The following MSH3 variants were observed in gnomAD, a reference collection of about 807,000 sequenced individuals.
The protein encoded by MSH3 is DNA mismatch repair protein Msh3.
MSH3 carries 106 observed loss-of-function variants against 123.3 expected under a neutral mutation model. The ratio of observed to expected loss-of-function variants is 0.86; its 90% confidence interval spans 0.73 to 1.01. The LOEUF (loss-of-function observed/expected upper bound fraction) is 1.01, where lower values mean the gene tolerates loss of function less well. Ranked by LOEUF, MSH3 falls within the 50% of genes least tolerant of loss-of-function variation. The pLI is 0.00. For missense variants in MSH3, 1,459 were observed against 1,347.6 expected, an observed-to-expected ratio of 1.08 and a Z score of -1.29; for synonymous variants, 515 against 481.4, an observed-to-expected ratio of 1.07 and a Z score of -0.91.
chr5:80,780,099 G>A (rs544087655), intron 17 of MSH3, among the ~76,000 whole-genome samples: 23 of 152,230 alleles, frequency 1.5e-4, no homozygotes, highest in South Asian at 2.1e-4. Context: ...CTTATATTCT[G>A]GATTTATTGA....
chr5:80,671,625 GTT>G (rs1749725953), intron 4 of MSH3, among the ~76,000 whole-genome samples: 1 of 152,152 alleles, frequency 6.6e-6, no homozygotes, highest in Admixed American at 6.5e-5. Flanking sequence ...GACTAATAGA[GTT>G]CAGAGAAGGG....
chr5:80,723,206 A>G (rs1751124019), intron 8 of MSH3, among the ~76,000 whole-genome samples: 1 of 152,172 alleles, frequency 6.6e-6, no homozygotes, highest in African/African-American at 2.4e-5. Flanking sequence ...TCAAAGGGCC[A>G]GGAGTAGCCA....
At chr5:80,814,129 GAA>G (rs10708713) in intron 20 of MSH3, among the ~76,000 whole-genome samples, 20 of 142,764 alleles carry the variant, frequency 1.4e-4, no homozygotes, top group African/African-American at 3.6e-4. Context: ...CTGTCTCAAA[GAA>G]AAAAAAAAAA....
intron 20 of MSH3, among the ~76,000 whole-genome samples, chr5:80,834,334 A>G (rs139375489): frequency 6.6e-6 from 1 of 151,148 alleles, no homozygotes; most frequent in Non-Finnish European, 1.5e-5. Context: ...TTTCTTATAA[A>G]ATATTAAATA....
At chr5:80,730,099 G>A (rs1224539197) in intron 10 of MSH3, among the ~76,000 whole-genome samples, 1 of 152,124 alleles carries the variant, frequency 6.6e-6, no homozygotes, top group Non-Finnish European at 1.5e-5. Context: ...TTCTCTGGAA[G>A]CAACTTTATC....
chr5:80,706,337 A>G (rs1750722791), intron 8 of MSH3, among the ~76,000 whole-genome samples: 1 of 152,210 alleles, frequency 6.6e-6, no homozygotes, highest in Non-Finnish European at 1.5e-5. Flanking sequence ...GGCTGACAAA[A>G]AGCTTTTAAT....
intron 12 of MSH3, among the ~76,000 whole-genome samples, chr5:80,759,339 C>G (rs1416553567): frequency 6.6e-6 from 1 of 152,128 alleles, no homozygotes; most frequent in Non-Finnish European, 1.5e-5. Context: ...CTAGAAAGGC[C>G]TTTCAGAGGA....
intron 19 of MSH3, among the ~76,000 whole-genome samples, chr5:80,801,431 G>T (rs1352798450): frequency 6.6e-6 from 1 of 152,120 alleles, no homozygotes; most frequent in East Asian, 1.9e-4. Flanking sequence ...TCTCGTGCTG[G>T]CAGTCTCTTA....
chr5:80,813,597 G>A lies in MSH3; in HGVS notation c.2669G>A (p.Arg890Lys). ...TCTAATTTTCAGGAGGACTCAGAGA[G>A]AGTAATGATAATTACCGGACCAAAC... ...NNTDLSEDSE[R>K]VMIITGPNMG... The change falls in exon 20 of 24, where the codon AGA (arginine) becomes AAA (lysine). Residue 890 changes from arginine (R) to lysine (K), a missense_variant. Arg to Lys is a conservative substitution (Grantham distance 26). Coordinates refer to ENST00000265081, the MANE Select transcript of MSH3 (RefSeq NM_002439.5). 6.2e-7 allele frequency: 1 copy of A among 1,614,118 alleles called. No homozygotes were observed. The highest frequency in any genetic ancestry group is 1.1e-5 in the South Asian group (1 of 91,082).
chr5:80,824,499 A>C (rs1275367306), intron 20 of MSH3, among the ~76,000 whole-genome samples: 1 of 152,224 alleles, frequency 6.6e-6, no homozygotes, highest in Non-Finnish European at 1.5e-5. Context: ...TCTGGAAGTC[A>C]CATTTTAAAA....
At chr5:80,677,562 G>C (rs1448205693) in intron 7 of MSH3, among the ~76,000 whole-genome samples, 1 of 152,142 alleles carries the variant, frequency 6.6e-6, no homozygotes, top group Non-Finnish European at 1.5e-5. Context: ...CTCTGGGCTA[G>C]AATTAAGGAT....
At chr5:80,825,493 C>T (rs894321589) in intron 20 of MSH3, among the ~76,000 whole-genome samples, 1 of 151,752 alleles carries the variant, frequency 6.6e-6, no homozygotes, top group African/African-American at 2.4e-5. Flanking sequence ...ATTACTATTC[C>T]CTCATTTTTC....
chr5:80,677,652 G>T (rs1749872952), intron 7 of MSH3, among the ~76,000 whole-genome samples: 1 of 152,198 alleles, frequency 6.6e-6, no homozygotes, highest in African/African-American at 2.4e-5. Context: ...CTCCAGAGGT[G>T]TCTGTAATCC....
chr5:80,722,573 C>T (rs1361330525), intron 8 of MSH3, among the ~76,000 whole-genome samples: 1 of 152,172 alleles, frequency 6.6e-6, no homozygotes, highest in African/African-American at 2.4e-5. Context: ...TCCCCTGATG[C>T]TGGGCCGGGC....
chr5:80,755,625 T>G lies in MSH3; in HGVS notation c.1764-5921T>G, dbSNP rs1344486112. 2.0e-5 allele frequency among the ~76,000 whole-genome samples: 3 copies of G among 152,236 alleles called. No homozygotes were observed. In the East Asian group the frequency reaches 5.8e-4, roughly 29 times the overall value. ...TCCCTTTAGGACATTGCTGAATCTGTATTTAAAACATAAGGGAAGAACTGA... is the reference window on the plus strand; with the variant it reads ...TCCCTTTAGGACATTGCTGAATCTGGATTTAAAACATAAGGGAAGAACTGA... On this transcript the variant is annotated intron_variant, in intron 12 of 23. Transcript: ENST00000265081.
At chr5:80,872,376 A>G (rs886697645) in intron 22 of MSH3, among the ~76,000 whole-genome samples, 2 of 152,154 alleles carry the variant, frequency 1.3e-5, no homozygotes, top group African/African-American at 4.8e-5. Context: ...CTGAGATGGG[A>G]TAATCACCTT....
At position 80,678,972 on chromosome 5, in the gene MSH3, G is replaced by C; in HGVS notation, c.1219G>C (p.Asp407His). The change falls in exon 8 of 24, where the codon GAC (aspartate) becomes CAC (histidine). Residue 407 changes from aspartate (D) to histidine (H), a missense_variant. Transcript: ENST00000265081. ...TGEVVFDSFQDSASRSELETR... is the reference protein window; with the variant it reads ...TGEVVFDSFQHSASRSELETR... ...CGAGGTTGTGTTTGATAGTTTCCAG[G>C]ACTCTGCTTCTCGTTCAGAGCTAGA... The C allele has an allele frequency of 6.2e-7, 1 of 1,614,116 alleles. No individual in the cohort carries two copies. The highest frequency in any genetic ancestry group is 8.5e-7 in the Non-Finnish European group (1 of 1,180,014).
intron 12 of MSH3, among the ~76,000 whole-genome samples, chr5:80,745,074 G>A (rs1393885880): frequency 6.6e-6 from 1 of 152,182 alleles, no homozygotes; most frequent in Admixed American, 6.5e-5. Context: ...CAAAAGAGGG[G>A]TTAGGTGTGA....
chr5:80,782,426 T>A (rs1432149694), intron 17 of MSH3, among the ~76,000 whole-genome samples: 1 of 152,112 alleles, frequency 6.6e-6, no homozygotes, highest in Non-Finnish European at 1.5e-5. Context: ...ATTTACATTG[T>A]ATTATGTGTT....
Sources: gnomAD v4.1 joint callset for allele counts (sites outside exome capture counted in the v4.1 genomes callset) on GRCh38, gnomAD v4.1.1 for gene constraint, MANE v1.5 for transcripts, NCBI Gene and HGNC (gene_info 2026-07-23, HGNC 2026-07-21) for gene names.